Variants in UBE2E2 observed in about 807,000 individuals in gnomAD.
UBE2E2 encodes ubiquitin-conjugating enzyme E2 E2.
A neutral mutation model predicts 24.7 loss-of-function variants in UBE2E2; 6 were observed. That is an observed-to-expected ratio of 0.24 (90% CI 0.13 to 0.48). UBE2E2 has a LOEUF of 0.48. UBE2E2 is among the 20% of genes least tolerant of loss of function. The pLI is 0.99. For synonymous variants in UBE2E2, 104 were observed against 83.6 expected, an observed-to-expected ratio of 1.24 and a Z score of -1.33; for missense variants, 169 against 245.0, an observed-to-expected ratio of 0.69 and a Z score of 2.07.
intron 3 of UBE2E2, among the ~76,000 whole-genome samples, chr3:23,328,279 T>C (rs1010478429): frequency 1.3e-5 from 2 of 152,190 alleles, no homozygotes; most frequent in Non-Finnish European, 2.9e-5. Context: ...TTTGAATCTA[T>C]AAAATACAGT....
intron 3 of UBE2E2, among the ~76,000 whole-genome samples, chr3:23,234,108 TA>T (rs1697037367): frequency 6.6e-6 from 1 of 152,118 alleles, no homozygotes; most frequent in Admixed American, 6.5e-5. Flanking sequence ...TTTTTGAGCT[TA>T]CTTGGGTGTG....
In UBE2E2 at chr3:23,413,872, C is replaced by T. The variant is rs1024413180; in HGVS notation, c.228-85736C>T. Among the ~76,000 whole-genome samples the T allele has an allele frequency of 5.3e-5, 8 of 152,154 alleles. No individual in the cohort carries two copies. In the East Asian group the frequency reaches 5.8e-4, roughly 11 times the overall value. On this transcript the variant is annotated intron_variant, in intron 3 of 5. Transcript: ENST00000396703. ...GAACAAATGAGGAATCATTCCACTA[C>T]GTAACTAGCAACTAAGCATTCAAGA...
intron 3 of UBE2E2, among the ~76,000 whole-genome samples, chr3:23,469,947 C>T (rs746959043): frequency 7.2e-5 from 11 of 152,126 alleles, no homozygotes; most frequent in Admixed American, 2.6e-4. Flanking sequence ...TTTACAATGC[C>T]TTGTTTATCT....
At chr3:23,335,340 C>T (rs1048954788) in intron 3 of UBE2E2, among the ~76,000 whole-genome samples, 3 of 152,050 alleles carry the variant, frequency 2.0e-5, no homozygotes, top group African/African-American at 7.2e-5. Flanking sequence ...TTCTGCCCTT[C>T]CTTTCTATAG....
chr3:23,541,390 A>G (rs1695393789), intron 5 of UBE2E2, among the ~76,000 whole-genome samples: 2 of 152,262 alleles, frequency 1.3e-5, no homozygotes, highest in African/African-American at 4.8e-5. Context: ...AACTGTAATA[A>G]CTACTTTCTC....
intron 3 of UBE2E2, among the ~76,000 whole-genome samples, chr3:23,390,935 ATAAG>A (rs1482124935): frequency 7.2e-5 from 11 of 152,260 alleles, no homozygotes; most frequent in East Asian, 3.8e-4. Flanking sequence ...ATTTGAATAA[ATAAG>A]TAATAATGTA....
intron 3 of UBE2E2, among the ~76,000 whole-genome samples, chr3:23,227,212 GC>G (rs1696850446): frequency 6.6e-6 from 1 of 152,116 alleles, no homozygotes; most frequent in Non-Finnish European, 1.5e-5. Flanking sequence ...GAAACTCATA[GC>G]CTTATTTGCT....
chr3:23,516,150 G>A (rs1007446979), intron 4 of UBE2E2, among the ~76,000 whole-genome samples: 54 of 152,120 alleles, frequency 3.5e-4, no homozygotes, highest in African/African-American at 1.3e-3. Flanking sequence ...TTCTATTACT[G>A]TATTTCTAGA....
At chr3:23,424,193 T>G (rs1697871277) in intron 3 of UBE2E2, among the ~76,000 whole-genome samples, 1 of 152,204 alleles carries the variant, frequency 6.6e-6, no homozygotes, top group South Asian at 2.1e-4. Context: ...TAAGGAACTT[T>G]TTTTTCTATG....
chr3:23,327,132 A>G lies in UBE2E2; in HGVS notation c.227+109820A>G, dbSNP rs545684225. 3.3e-5 allele frequency among the ~76,000 whole-genome samples: 5 copies of G among 152,324 alleles called. No homozygotes were observed. In the South Asian group the frequency reaches 6.2e-4, roughly 19 times the overall value. ...TATTGTGAATAGTGCTGCAATAAACATACATGTGCATATGTCTTTATAGCA... is the reference window on the plus strand; with the variant it reads ...TATTGTGAATAGTGCTGCAATAAACGTACATGTGCATATGTCTTTATAGCA... On this transcript the variant is annotated intron_variant, in intron 3 of 5. Coordinates refer to ENST00000396703, the MANE Select transcript of UBE2E2 (RefSeq NM_152653.4).
intron 3 of UBE2E2, among the ~76,000 whole-genome samples, chr3:23,295,062 T>G (rs1698873719): frequency 6.6e-6 from 1 of 152,192 alleles, no homozygotes; most frequent in African/African-American, 2.4e-5. Flanking sequence ...CTATTTACAT[T>G]TAGTGTTCAT....
In UBE2E2 at chr3:23,571,280, C is replaced by CTCTTTTTTTTTTTTTTTT. The variant is rs1696217145; in HGVS notation, c.509-18453_509-18452insCTTTTTTTTTTTTTTTTT. On this transcript the variant is annotated intron_variant, in intron 5 of 5. Coordinates refer to ENST00000396703, the MANE Select transcript of UBE2E2 (RefSeq NM_152653.4). ...AGTCCCCTCACCTGTGTGCTCCTTT[C>CTCTTTTTTTTTTTTTTTT]TTTTTTTTTTTTTTTTTTTTTTTTT... Among the ~76,000 whole-genome samples the CTCTTTTTTTTTTTTTTTT allele has an allele frequency of 1.7e-3, 52 of 29,884 alleles. 5 individuals carry two copies. The highest frequency in any genetic ancestry group is 4.9e-3 in the African/African-American group (48 of 9,722). 19.6% of individuals were successfully genotyped at this position (29,884 alleles called of 152,430 possible). A position where few individuals can be genotyped will look rare whatever the true frequency, so the allele number is the denominator to read the frequency against.
At chr3:23,568,000 G>A (rs1696116988) in intron 5 of UBE2E2, among the ~76,000 whole-genome samples, 1 of 152,168 alleles carries the variant, frequency 6.6e-6, no homozygotes, top group African/African-American at 2.4e-5. Context: ...ACAAGAGCAA[G>A]GCCTCAGCCC....
intron 3 of UBE2E2, among the ~76,000 whole-genome samples, chr3:23,340,364 C>A (rs1559353476): frequency 6.6e-6 from 1 of 151,968 alleles, no homozygotes; most frequent in Non-Finnish European, 1.5e-5. Context: ...ATCTACTATG[C>A]ACTATATTTT....
chr3:23,500,459 G>A (rs185816761), intron 4 of UBE2E2, among the ~76,000 whole-genome samples: 21 of 152,106 alleles, frequency 1.4e-4, no homozygotes, highest in African/African-American at 3.1e-4. Flanking sequence ...CCTATAAGTC[G>A]GATATTTGAC....
chr3:23,334,079 C>A (rs1350267690), intron 3 of UBE2E2, among the ~76,000 whole-genome samples: 1 of 151,998 alleles, frequency 6.6e-6, no homozygotes, highest in East Asian at 1.9e-4. Context: ...TATCCTTACT[C>A]AAAACTTATC....
intron 3 of UBE2E2, among the ~76,000 whole-genome samples, chr3:23,443,756 G>T (rs946828674): frequency 1.3e-5 from 2 of 152,146 alleles, no homozygotes; most frequent in Non-Finnish European, 2.9e-5. Context: ...CATAAAAGAT[G>T]CCCAGTATAA....
chr3:23,586,950 A>C (rs1446868484), intron 5 of UBE2E2, among the ~76,000 whole-genome samples: 1 of 152,136 alleles, frequency 6.6e-6, no homozygotes, highest in Non-Finnish European at 1.5e-5. Flanking sequence ...GTAGGAAGAA[A>C]ACATACCACG....
chr3:23,335,049 C>G (rs759086689), intron 3 of UBE2E2, among the ~76,000 whole-genome samples: 1 of 152,146 alleles, frequency 6.6e-6, no homozygotes, highest in Admixed American at 6.6e-5. Flanking sequence ...AAATGAGTAC[C>G]ATTCCTAAAT....
Sources: allele counts gnomAD v4.1 joint callset (sites outside exome capture counted in the v4.1 genomes callset), GRCh38; gene constraint gnomAD v4.1.1; transcripts MANE v1.5; gene names NCBI Gene and HGNC (gene_info 2026-07-23, HGNC 2026-07-21).